IGF2BP3: variants seen among roughly 807,000 people sequenced by gnomAD.
IGF2BP3 encodes the protein insulin like growth factor 2 mRNA binding protein 3.
In IGF2BP3, 9 loss-of-function variants were observed where a neutral mutation model predicts 73.8. The observed-to-expected ratio is 0.12, with a 90% CI of 0.07 to 0.21. The LOEUF (loss-of-function observed/expected upper bound fraction) is 0.21. IGF2BP3 is among the 10% of genes least tolerant of loss of function. The pLI, the probability that IGF2BP3 is intolerant of heterozygous loss-of-function variation, is 1.00. For synonymous variants in IGF2BP3, 258 were observed against 256.7 expected (o/e 1.01, Z -0.05); for missense variants, 542 against 714.0 (o/e 0.76, Z 2.75).
At chr7:23,467,900 C>T (rs4496867) in intron 2 of IGF2BP3, 49,578 of 153,902 alleles carry the variant, frequency 0.32, 8,370 homozygotes, top group Middle Eastern at 0.42. Context: ...AAGGTGCTGA[C>T]TGCAGGAACC....
intron 2 of IGF2BP3, among the ~76,000 whole-genome samples, chr7:23,443,434 A>G (rs1351177940): frequency 6.6e-6 from 1 of 152,014 alleles, no homozygotes. Context: ...CTATTTTTGT[A>G]TATTTTAGTA....
intron 12 of IGF2BP3, among the ~76,000 whole-genome samples, chr7:23,316,938 C>A (rs1183638873): frequency 2.6e-5 from 4 of 152,120 alleles, no homozygotes; most frequent in African/African-American, 9.7e-5. Context: ...TTGTGTAAAC[C>A]TTAAACTACC....
At chr7:23,360,998 G>C (rs1053742744) in intron 5 of IGF2BP3, among the ~76,000 whole-genome samples, 2 of 152,132 alleles carry the variant, frequency 1.3e-5, no homozygotes, top group African/African-American at 4.8e-5. Flanking sequence ...TGTTTGATCT[G>C]TCAAGTATTG....
intron 2 of IGF2BP3, among the ~76,000 whole-genome samples, chr7:23,450,025 T>C (rs1444516737): frequency 6.6e-6 from 1 of 152,194 alleles, no homozygotes; most frequent in Non-Finnish European, 1.5e-5. Flanking sequence ...GTATTTGCAC[T>C]GGTAGAGCAA....
intron 2 of IGF2BP3, among the ~76,000 whole-genome samples, chr7:23,425,123 C>A (rs771600592): frequency 5.3e-5 from 8 of 152,274 alleles, no homozygotes; most frequent in South Asian, 4.1e-4. Flanking sequence ...TGTTTATTTC[C>A]AATTGCTAAT....
chr7:23,348,429 G>T (rs1784883403), intron 6 of IGF2BP3, among the ~76,000 whole-genome samples: 1 of 152,142 alleles, frequency 6.6e-6, no homozygotes. Context: ...AAGATGATGG[G>T]TAACAAGGCA....
At chr7:23,415,050 C>T (rs1185621971) in intron 3 of IGF2BP3, 1 of 206,432 alleles carries the variant, frequency 4.8e-6, no homozygotes, top group Non-Finnish European at 9.9e-6. Context: ...CAGTCAGCAT[C>T]ACCCCACCCG....
At chr7:23,323,630 C>G (rs1358546537) in intron 10 of IGF2BP3, among the ~76,000 whole-genome samples, 1 of 151,554 alleles carries the variant, frequency 6.6e-6, no homozygotes, top group Non-Finnish European at 1.5e-5. Flanking sequence ...TTTTTCAGCA[C>G]CACACCACAC....
In IGF2BP3 at chr7:23,395,818, C is replaced by T. The variant is rs189058931; in HGVS notation, c.285+22958G>A. Among the ~76,000 whole-genome samples, 392 of 151,594 alleles carry T rather than the reference C, an allele frequency of 2.6e-3. 4 individuals carry two copies. The highest frequency in any genetic ancestry group is 0.01 in the Middle Eastern group (3 of 292). On this transcript the variant is annotated intron_variant, in intron 3 of 14. Transcript: ENST00000258729. ...ACAGGTGCCTGTAATCCCAGCTACTCGGGAGGCTGAGGCAGGAGAACTGCT... is the reference window on the plus strand; with the variant it reads ...ACAGGTGCCTGTAATCCCAGCTACTTGGGAGGCTGAGGCAGGAGAACTGCT...
At position 23,321,718 on chromosome 7, in the gene IGF2BP3, A is replaced by G. The variant is rs530030645; in HGVS notation, c.1204-2464T>C. Among the ~76,000 whole-genome samples the G allele has an allele frequency of 4.9e-4, 75 of 152,298 alleles. 1 individual carries two copies. The highest frequency in any genetic ancestry group is 3.4e-3 in the Middle Eastern group (1 of 294). On this transcript the variant is annotated intron_variant, in intron 10 of 14. Transcript: ENST00000258729. ...GCAGTGGTTCTCCCAGCACACAGCT[A>G]GAGCTCTGAGAACGGGCAGACTGCC...
chr7:23,363,656 C>A (rs2128508752), intron 3 of IGF2BP3, among the ~76,000 whole-genome samples: 1 of 152,202 alleles, frequency 6.6e-6, no homozygotes, highest in East Asian at 1.9e-4. Flanking sequence ...TGGTAAATTT[C>A]TTTTGCATGA....
At chr7:23,334,074 G>A (rs367697376) in intron 10 of IGF2BP3, among the ~76,000 whole-genome samples, 16 of 152,240 alleles carry the variant, frequency 1.1e-4, no homozygotes, top group African/African-American at 3.6e-4. Flanking sequence ...TGTGGTTCAC[G>A]CCTGTACTCC....
intron 10 of IGF2BP3, among the ~76,000 whole-genome samples, chr7:23,320,947 CAAAAAAA>C (rs70966008): frequency 0.5 from 48,215 of 96,290 alleles, 10,036 homozygotes; most frequent in East Asian, 0.66. Context: ...AACTCTGTCT[CAAAAAAA>C]AAAAAAAAAA....
At chr7:23,316,228 A>G (rs1275732906) in intron 12 of IGF2BP3, among the ~76,000 whole-genome samples, 4 of 152,212 alleles carry the variant, frequency 2.6e-5, no homozygotes, top group Non-Finnish European at 5.9e-5. Context: ...CATTCTTCAC[A>G]TAAGTGAAAG....
At position 23,438,384 on chromosome 7, in the gene IGF2BP3, G is replaced by A. The variant is rs1052129176; in HGVS notation, c.237-19560C>T. ...CCCCCTTGGCATTCCCAAAGTGCTGGAATTACAGGCATGAACCACCAAGCC... is the reference window on the plus strand; with the variant it reads ...CCCCCTTGGCATTCCCAAAGTGCTGAAATTACAGGCATGAACCACCAAGCC... On this transcript the variant is annotated intron_variant, in intron 2 of 14. Coordinates refer to ENST00000258729, the MANE Select transcript of IGF2BP3 (RefSeq NM_006547.3). 3.3e-5 allele frequency among the ~76,000 whole-genome samples: 5 copies of A among 152,042 alleles called. No homozygotes were observed. The South Asian group carries it at 1.0e-3, about 32-fold the overall frequency.
At chr7:23,330,160 CCT>C (rs1445944525) in intron 10 of IGF2BP3, among the ~76,000 whole-genome samples, 1 of 151,960 alleles carries the variant, frequency 6.6e-6, no homozygotes, top group Non-Finnish European at 1.5e-5. Context: ...GTGGCAGGCA[CCT>C]GTAATCCCAG....
chr7:23,329,148 G>C (rs1430641488), intron 10 of IGF2BP3, among the ~76,000 whole-genome samples: 1 of 151,938 alleles, frequency 6.6e-6, no homozygotes, highest in Non-Finnish European at 1.5e-5. Flanking sequence ...GGAAGGTGGA[G>C]CTTGCAGTGA....
At chr7:23,312,994 T>G (rs1783874954) in intron 13 of IGF2BP3, 146 bp from the exon 14 acceptor site, 1 of 603,934 alleles carries the variant, frequency 1.7e-6, no homozygotes, top group Non-Finnish European at 2.9e-6. Flanking sequence ...ATTAGAATTA[T>G]CCCCACTTCA....
At chr7:23,338,759 G>A (rs1162487688) in intron 10 of IGF2BP3, among the ~76,000 whole-genome samples, 3 of 151,990 alleles carry the variant, frequency 2.0e-5, no homozygotes, top group Admixed American at 6.5e-5. Flanking sequence ...TTTAAGTATG[G>A]GAAAAACATT....
Sources: gnomAD v4.1 joint callset for allele counts (sites outside exome capture counted in the v4.1 genomes callset) on GRCh38, gnomAD v4.1.1 for gene constraint, MANE v1.5 for transcripts, NCBI Gene and HGNC (gene_info 2026-07-23, HGNC 2026-07-21) for gene names.